NOTCH1: variants seen among roughly 807,000 people sequenced by gnomAD.
The protein encoded by NOTCH1 is notch receptor 1, also known as neurogenic locus notch homolog protein 1.
A neutral mutation model predicts 254.8 loss-of-function variants in NOTCH1; 37 were observed. The observed-to-expected ratio is 0.15, with a 90% CI of 0.11 to 0.19. The LOEUF (loss-of-function observed/expected upper bound fraction) is 0.19. NOTCH1 is among the 10% of genes least tolerant of loss of function. The pLI is 1.00. For missense variants in NOTCH1, 2,972 were observed against 3,708.6 expected, an observed-to-expected ratio of 0.80 and a Z score of 5.16; for synonymous variants, 1,731 against 1,618.1, an observed-to-expected ratio of 1.07 and a Z score of -1.68.
At chr9:136,510,286 C>T (rs1843158007) in intron 17 of NOTCH1, among the ~76,000 whole-genome samples, 1 of 152,204 alleles carries the variant, frequency 6.6e-6, no homozygotes, top group African/African-American at 2.4e-5. Flanking sequence ...GCAAGACCCC[C>T]GGCTTCTGCC....
chr9:136,522,918 G>A lies in NOTCH1; in HGVS notation c.674C>T (p.Ser225Leu), dbSNP rs553542677. The change falls in exon 4 of 34, where the codon TCG becomes TTG. Residue 225 changes from serine (S) to leucine (L), a missense_variant. By Grantham distance (145) the Ser-to-Leu change is moderately radical (BLOSUM62 -2). Coordinates refer to ENST00000651671, the MANE Select transcript of NOTCH1 (RefSeq NM_017617.5). ...CERPYVPCSP[S>L]PCQNGGTCRP... ...GCAGGTGCCCCCGTTCTGGCAGGGCGAGGGGCTGCAGGGCACGTAGGGCCG... is the reference window on the plus strand; with the variant it reads ...GCAGGTGCCCCCGTTCTGGCAGGGCAAGGGGCTGCAGGGCACGTAGGGCCG... 15 of 1,547,174 alleles carry A rather than the reference G, an allele frequency of 9.7e-6. No homozygotes were observed. Among genetic ancestry groups the A allele is most frequent in the East Asian group, 4.9e-5 (2 of 41,182 alleles).
At chr9:136,515,235 C>G (rs1843244589) in intron 12 of NOTCH1, 55 bp downstream of exon 12, 1 of 1,554,972 alleles carries the variant, frequency 6.4e-7, no homozygotes, top group Non-Finnish European at 8.8e-7. Flanking sequence ...GGCAGAGTGG[C>G]TGACCTTGAC....
rs1843293115 is a variant in NOTCH1, at chr9:136,517,398, G to A, written c.1442-13C>T. 2 of 1,556,456 alleles carry A rather than the reference G, an allele frequency of 1.3e-6. No homozygotes were observed. Among genetic ancestry groups the A allele is most frequent in the Admixed American group, 1.8e-5 (1 of 55,992 alleles). On this transcript the variant is annotated splice_polypyrimidine_tract_variant and intron_variant, in intron 8 of 33. Coordinates refer to ENST00000651671, the MANE Select transcript of NOTCH1 (RefSeq NM_017617.5). ...ACACCCTCGTAGCCTGTGGGGTGGG[G>A]CAACAGTGAGGGGGGCACGCGCGGC...
rs200082362 is a variant in NOTCH1, at chr9:136,509,918, C to G, written c.2784G>C (p.Thr928=). 1 of 1,613,242 alleles carries G rather than the reference C, an allele frequency of 6.2e-7. No individual in the cohort carries two copies. Residue 928 remains threonine (T), a synonymous_variant, in exon 18 of 34, where the codon ACG becomes ACC. Transcript: ENST00000651671. ...NGGSCTDGIN[T]AFCDCLPGFR... is the part of the protein sequence containing the mutation. ...AGCCGGGCAGGCAGTCGCAGAAGGC[C>G]GTGTTGATGCCGTCTGTGCAGGAGC... is the stretch of plus-strand genomic sequence containing the variant.
chr9:136,524,649 T>C (rs1369226562), intron 2 of NOTCH1, among the ~76,000 whole-genome samples: 2 of 147,610 alleles, frequency 1.4e-5, no homozygotes, highest in African/African-American at 5.0e-5. Flanking sequence ...CTTTTTTTTT[T>C]TTTTTTTTTT....
chr9:136,524,297 C>T (rs550897749), intron 2 of NOTCH1, among the ~76,000 whole-genome samples: 3 of 152,148 alleles, frequency 2.0e-5, no homozygotes, highest in South Asian at 4.1e-4. Flanking sequence ...CAGAGCAAGA[C>T]TCAAAAAAAG....
rs1018501056 is a variant in NOTCH1 at position 136,508,881 on chromosome 9, G to T, written c.3160C>A (p.Pro1054Thr). The T allele has an allele frequency of 1.2e-5, 18 of 1,545,924 alleles. No individual in the cohort carries two copies. In the African/African-American group the frequency reaches 2.3e-4, roughly 20 times the overall value. ...RCTCPQGYTG[P>T]NCQNLVHWCD... The stretch of plus-strand genomic sequence containing the variant: ...GCCGGCGCACTCACCTGGCAGTTGG[G>T]GCCAGTGTAGCCCTGGGGGCAGGTG... The change falls in exon 19 of 34, where the codon CCC becomes ACC. Residue 1054 changes from proline (P) to threonine (T), a missense_variant. Pro to Thr is a conservative substitution (Grantham distance 38). Coordinates refer to ENST00000651671, the MANE Select transcript of NOTCH1 (RefSeq NM_017617.5).
rs537569373 is a variant in NOTCH1 at position 136,529,352 on chromosome 9, G to A, written c.141-5373C>T. ...CCCGGACCAAGGCTTCTGGGGCAGG[G>A]GGAGTCCTGGGACCTCAGCCCCTCC... On this transcript the variant is annotated intron_variant, in intron 2 of 33. Coordinates refer to ENST00000651671, the MANE Select transcript of NOTCH1 (RefSeq NM_017617.5). Among the ~76,000 whole-genome samples the A allele has an allele frequency of 1.2e-4, 18 of 152,342 alleles. No individual in the cohort carries two copies. In the South Asian group the frequency reaches 3.3e-3, roughly 28 times the overall value.
chr9:136,513,683 G>T lies in NOTCH1; in HGVS notation c.2208-146C>A. On this transcript the variant is annotated intron_variant, in intron 13 of 33. Coordinates refer to ENST00000651671, the MANE Select transcript of NOTCH1 (RefSeq NM_017617.5). This position sits in a 1 kb window ranked among gnomAD's most constrained non-coding sequence, Gnocchi z 4.7. ...GAGTCCTTTAGTGGGGGCAGGCTGGGCGCTGTGGCTCACACCTGTAATCCC... is the reference window on the plus strand; with the variant it reads ...GAGTCCTTTAGTGGGGGCAGGCTGGTCGCTGTGGCTCACACCTGTAATCCC... 1 of 878,172 alleles carries T rather than the reference G, an allele frequency of 1.1e-6. No individual in the cohort carries two copies. The highest frequency in any genetic ancestry group is 1.8e-6 in the Non-Finnish European group (1 of 560,774). The allele number at this position is 878,172 out of a possible 1,614,324, so 54.4% of individuals were successfully genotyped here.
At chr9:136,524,608 C>G (rs553879212) in intron 2 of NOTCH1, among the ~76,000 whole-genome samples, 3 of 151,418 alleles carry the variant, frequency 2.0e-5, no homozygotes, top group East Asian at 2.0e-4. Flanking sequence ...GGATCAGCCC[C>G]TTCCTACGTG....
In NOTCH1 at chr9:136,545,783, G is replaced by C. The variant is rs975429231; in HGVS notation, c.4C>G (p.Pro2Ala). The change falls in exon 1 of 34, where the codon CCG (proline) becomes GCG (alanine). Residue 2 changes from proline to alanine, a missense_variant. Coordinates refer to ENST00000651671, the MANE Select transcript of NOTCH1 (RefSeq NM_017617.5). The surrounding 1 kb of genome is among the most constrained non-coding windows in gnomAD (Gnocchi z 6.8). M[P>A]PLLAPLLCLA... ...CAGAGCAGGGGCGCCAGGAGCGGCG[G>C]CATGCCTCCCCACCGGCTGCCCTCT... 2 of 1,344,826 alleles carry C rather than the reference G, an allele frequency of 1.5e-6. No homozygotes were observed. Among genetic ancestry groups the C allele is most frequent in the Non-Finnish European group, 1.9e-6 (2 of 1,047,020 alleles). The allele number at this position is 1,344,826 out of a possible 1,614,324, so 83.3% of individuals were successfully genotyped here.
intron 6 of NOTCH1, 75 bp downstream of exon 6, chr9:136,518,516 C>A: frequency 7.2e-7 from 1 of 1,391,522 alleles, no homozygotes; most frequent in South Asian, 1.2e-5. Context: ...GGGCCACAGT[C>A]CCTGGGTGAG....
In NOTCH1 at chr9:136,507,995, C is replaced by T; in HGVS notation, c.3470G>A (p.Gly1157Glu). 6.2e-7 allele frequency: 1 copy of T among 1,612,746 alleles called. No individual in the cohort carries two copies. The highest frequency in any genetic ancestry group is 1.1e-5 in the South Asian group (1 of 91,090). The change falls in exon 21 of 34, where the codon GGG becomes GAG. Residue 1157 changes from glycine to glutamate, a missense_variant. This residue lies in a region of NOTCH1 where 1,343 missense variants were observed against 1,557.0 expected (regional missense o/e 0.86). Transcript: ENST00000651671. ...DECSPSPCQN[G>E]ATCTDYLGGY... ...GCCCAGGTAGTCCGTGCAGGTGGCCCCGTTCTGGCAGGGGCTGGGTGAGCA... is the reference window on the plus strand; with the variant it reads ...GCCCAGGTAGTCCGTGCAGGTGGCCTCGTTCTGGCAGGGGCTGGGTGAGCA...
Position 136,501,663 on chromosome 9 carries a change from T to G in NOTCH1, c.5638+85A>C, listed in dbSNP as rs1842996884. On this transcript the variant is annotated intron_variant, in intron 30 of 33. Coordinates refer to ENST00000651671, the MANE Select transcript of NOTCH1 (RefSeq NM_017617.5). Reference sequence around the variant, plus strand: ...CCCCCAATTCTAAGTTTCCAGAGTATCAACTGTACCCCAGCCTCGGGGCTT... The same window carrying G: ...CCCCCAATTCTAAGTTTCCAGAGTAGCAACTGTACCCCAGCCTCGGGGCTT... 2.0e-6 allele frequency: 3 copies of G among 1,524,196 alleles called. No individual in the cohort carries two copies. In the East Asian group the frequency reaches 6.8e-5, roughly 35 times the overall value. 94.4% of individuals were successfully genotyped at this position (1,524,196 alleles called of 1,614,324 possible). A position where few individuals can be genotyped will look rare whatever the true frequency, so the allele number is the denominator to read the frequency against.
intron 26 of NOTCH1, 44 bp downstream of exon 26, chr9:136,504,629 A>G (rs1264809795): frequency 1.5e-5 from 22 of 1,474,566 alleles, no homozygotes; most frequent in Non-Finnish European, 2.0e-5. Flanking sequence ...GGGAGGGCCC[A>G]GGAGAGTTGC....
chr9:136,502,377 C>T lies in NOTCH1; in HGVS notation c.5279G>A (p.Arg1760His), dbSNP rs1009338178. 4 of 1,612,208 alleles carry T rather than the reference C, an allele frequency of 2.5e-6. No individual in the cohort carries two copies. Among genetic ancestry groups the T allele is most frequent in the African/African-American group, 1.3e-5 (1 of 74,904 alleles). ...VGCGVLLSRK[R>H]RRQHGQLWFP... ...CCAGAGCTGGCCATGCTGCCGCCGG[C>T]GCTTGCGGGACAGCAGCACCCCGCA... The change falls in exon 28 of 34, where the codon CGC becomes CAC. Residue 1760 changes from arginine (R) to histidine (H), a missense_variant. This residue lies in a region of NOTCH1 where 421 missense variants were observed against 604.4 expected (regional missense o/e 0.70). Transcript: ENST00000651671.
intron 4 of NOTCH1, among the ~76,000 whole-genome samples, chr9:136,521,094 C>T (rs1347483392): frequency 6.6e-6 from 1 of 152,210 alleles, no homozygotes; most frequent in Non-Finnish European, 1.5e-5. Flanking sequence ...CTCCTGGGCT[C>T]CTGACCACCC....
rs1226514285 is a variant in NOTCH1 at position 136,504,674 on chromosome 9, C to T, written c.5017G>A (p.Gly1673Ser). 57 of 1,509,744 alleles carry T rather than the reference C, an allele frequency of 3.8e-5. No homozygotes were observed. Among genetic ancestry groups the T allele is most frequent in the Non-Finnish European group, 4.6e-5 (52 of 1,125,930 alleles). 93.5% of individuals were successfully genotyped at this position (1,509,744 alleles called of 1,614,324 possible). A position where few individuals can be genotyped will look rare whatever the true frequency, so the allele number is the denominator to read the frequency against. ...CCGTGGGCGCCGGGTCTCACTCACC[C>T]GCGGACGTCCATGGGGTCCAGCTCC... The part of the protein sequence containing the change: ...RRELDPMDVR[G>S]SIVYLEIDNR... The change falls in exon 26 of 34, where the codon GGC becomes AGC. Residue 1673 changes from glycine to serine, a missense_variant and splice_region_variant. Physicochemically the swap from Gly to Ser is moderately conservative, Grantham distance 56. This residue lies in a region of NOTCH1 where 1,343 missense variants were observed against 1,557.0 expected (regional missense o/e 0.86). Coordinates refer to ENST00000651671, the MANE Select transcript of NOTCH1 (RefSeq NM_017617.5).
chr9:136,519,667 G>T, intron 4 of NOTCH1, 102 bp from the exon 5 acceptor site: 1 of 1,587,218 alleles, frequency 6.3e-7, no homozygotes, highest in Non-Finnish European at 8.6e-7. Flanking sequence ...TGGCCTCCAC[G>T]GCCCTGCCCT....
Sources: allele counts gnomAD v4.1 joint callset (sites outside exome capture counted in the v4.1 genomes callset), GRCh38; gene constraint gnomAD v4.1.1; regional missense constraint gnomAD v4.1.1; non-coding constraint Gnocchi (gnomAD v3.1); transcripts MANE v1.5; gene names NCBI Gene and HGNC (gene_info 2026-07-23, HGNC 2026-07-21).